KANK1: variants seen among roughly 807,000 people sequenced by gnomAD.
KANK1 encodes KN motif and ankyrin repeat domain-containing protein 1.
A neutral mutation model predicts 106.2 loss-of-function variants in KANK1; 109 were observed. The observed-to-expected ratio is 1.03, with a 90% CI of 0.88 to 1.20. The LOEUF is 1.20. KANK1 is among the 50% of genes most tolerant of loss of function. KANK1 has a pLI of 0.00. For missense variants in KANK1, 2,399 were observed against 1,710.7 expected, an observed-to-expected ratio of 1.40 and a Z score of -7.10; for synonymous variants, 873 against 652.2, an observed-to-expected ratio of 1.34 and a Z score of -5.16.
intron 1 of KANK1, among the ~76,000 whole-genome samples, chr9:576,433 G>T (rs546361300): frequency 6.7e-4 from 102 of 152,296 alleles, no homozygotes; most frequent in African/African-American, 2.4e-3. Context: ...TGCTCTGCTA[G>T]GCACTGTGCC....
chr9:502,780 C>A (rs2058580640), upstream of KANK1, among the ~76,000 whole-genome samples: 1 of 152,102 alleles, frequency 6.6e-6, no homozygotes, highest in African/African-American at 2.4e-5. Context: ...CCCATCTCGG[C>A]CTCACAAAGT....
chr9:701,446 T>G (rs1822640231), intron 2 of KANK1, among the ~76,000 whole-genome samples: 1 of 152,218 alleles, frequency 6.6e-6, no homozygotes, highest in Non-Finnish European at 1.5e-5. Flanking sequence ...TTGCTATCTG[T>G]GAATTTTTAT....
intron 3 of KANK1, among the ~76,000 whole-genome samples, chr9:727,680 A>ATATGTG (rs748822170): frequency 3.6e-5 from 5 of 139,660 alleles, no homozygotes; most frequent in African/African-American, 1.1e-4. Context: ...ATAACTTTTC[A>ATATGTG]TGTGTGTGTG....
At position 745,166 on chromosome 9, in the gene KANK1, T is replaced by G. The variant is rs765311114; in HGVS notation, c.3997-7T>G. The G allele has an allele frequency of 1.2e-6, 2 of 1,613,544 alleles. No homozygotes were observed. The highest frequency in any genetic ancestry group is 2.2e-5 in the South Asian group (2 of 90,964). On this transcript the variant is annotated splice_region_variant and splice_polypyrimidine_tract_variant and intron_variant, in intron 11 of 11. Transcript: ENST00000382297. ...ACCCCCAGTTTTTTTCCTTTCCTGG[T>G]CTCTAGGGCACCCCTAGGCTTGGAA...
chr9:611,480 G>C (rs1465238497), intron 1 of KANK1, among the ~76,000 whole-genome samples: 4 of 152,154 alleles, frequency 2.6e-5, no homozygotes, highest in Admixed American at 1.3e-4. Context: ...TTTCAGATGT[G>C]TCTTAGTGCC....
chr9:563,934 T>G (rs1817142535), intron 1 of KANK1, among the ~76,000 whole-genome samples: 1 of 152,180 alleles, frequency 6.6e-6, no homozygotes, highest in Non-Finnish European at 1.5e-5. Flanking sequence ...GCTTTTTTTC[T>G]TTCTTCCCTG....
At chr9:745,014 G>C (rs1279008391) in intron 11 of KANK1, 159 bp from the exon 12 acceptor site, 1 of 1,505,048 alleles carries the variant, frequency 6.6e-7, no homozygotes, top group South Asian at 1.4e-5. Context: ...GCTGGCCTTG[G>C]AGCTGTGGAC....
intron 3 of KANK1, among the ~76,000 whole-genome samples, chr9:716,017 T>A (rs949612761): frequency 6.6e-6 from 1 of 152,212 alleles, no homozygotes; most frequent in Admixed American, 6.5e-5. Flanking sequence ...AGAATGTATT[T>A]CTGAACCAAA....
chr9:655,914 C>A (rs1007602399), intron 1 of KANK1, among the ~76,000 whole-genome samples: 1 of 152,188 alleles, frequency 6.6e-6, no homozygotes, highest in Non-Finnish European at 1.5e-5. Flanking sequence ...ACAGGCCTTT[C>A]CCCTTTGTAA....
intron 1 of KANK1, among the ~76,000 whole-genome samples, chr9:546,745 A>G (rs891857095): frequency 2.0e-5 from 3 of 151,714 alleles, no homozygotes; most frequent in African/African-American, 7.3e-5. Context: ...ACTGTAAAAC[A>G]TCTGTATTTT....
intron 1 of KANK1, among the ~76,000 whole-genome samples, chr9:619,441 C>T (rs1832629244): frequency 6.6e-6 from 1 of 152,114 alleles, no homozygotes; most frequent in Non-Finnish European, 1.5e-5. Context: ...TGCCTATCGT[C>T]AGATTTGGGT....
chr9:604,373 G>T (rs1588169332), intron 1 of KANK1, among the ~76,000 whole-genome samples: 1 of 151,780 alleles, frequency 6.6e-6, no homozygotes, highest in South Asian at 2.1e-4. Flanking sequence ...TGGATCATGA[G>T]GATGGTTTAC....
intron 6 of KANK1, chr9:732,858 A>C: frequency 2.9e-6 from 1 of 347,016 alleles, no homozygotes; most frequent in South Asian, 9.0e-5. Context: ...CTGCTATATA[A>C]TTTAACATAT....
At chr9:639,773 T>C (rs1837972734) in intron 1 of KANK1, among the ~76,000 whole-genome samples, 1 of 152,186 alleles carries the variant, frequency 6.6e-6, no homozygotes, top group Non-Finnish European at 1.5e-5. Context: ...TGCTCACAGT[T>C]CTGAAGTCTG....
In KANK1 at chr9:580,809, C is replaced by T. The variant is rs575863958; in HGVS notation, c.-84+76055C>T. Among the ~76,000 whole-genome samples, 375 of 152,330 alleles carry T rather than the reference C, an allele frequency of 2.5e-3. 2 individuals carry two copies. Among genetic ancestry groups the T allele is most frequent in the African/African-American group, 8.4e-3 (351 of 41,586 alleles). ...TTGGGTAGTCAATGGGATTGGGCGC[C>T]GCGGAGCAGGGGGCGGTGCTCGTTG... On this transcript the variant is annotated intron_variant, in intron 1 of 11. Coordinates refer to ENST00000382297, the MANE Select transcript of KANK1 (RefSeq NM_015158.5).
intron 1 of KANK1, among the ~76,000 whole-genome samples, chr9:566,525 G>T (rs2641978): frequency 0.86 from 130,553 of 152,220 alleles, 56,791 homozygotes; most frequent in Non-Finnish European, 0.93. Context: ...CACCTGTTAT[G>T]TTTTGATTTC....
intron 1 of KANK1, among the ~76,000 whole-genome samples, chr9:649,139 A>G (rs934057447): frequency 5.3e-5 from 8 of 152,192 alleles, no homozygotes; most frequent in African/African-American, 1.4e-4. Flanking sequence ...ATAAGGATAT[A>G]TGTAAGATAC....
intron 1 of KANK1, among the ~76,000 whole-genome samples, chr9:625,118 C>A (rs1399594589): frequency 6.6e-6 from 1 of 152,162 alleles, no homozygotes; most frequent in Non-Finnish European, 1.5e-5. Flanking sequence ...CTGGGCAAAC[C>A]CACAGCCCGC....
rs138584802 is a variant in KANK1 at position 526,713 on chromosome 9, C to G, written c.-84+21959C>G. Reference sequence around the variant, plus strand: ...CCTGATTCCCTCTCCTCAGAGGAATCTCTCATCTATCTTCTGATGTTGAAC... The same window carrying G: ...CCTGATTCCCTCTCCTCAGAGGAATGTCTCATCTATCTTCTGATGTTGAAC... On this transcript the variant is annotated intron_variant, in intron 1 of 11. Transcript: ENST00000382297. Among the ~76,000 whole-genome samples, 9 of 151,974 alleles carry G rather than the reference C, an allele frequency of 5.9e-5. No individual in the cohort carries two copies. The East Asian group carries it at 1.5e-3, about 26-fold the overall frequency.
Sources: gnomAD v4.1 joint callset for allele counts (sites outside exome capture counted in the v4.1 genomes callset) on GRCh38, gnomAD v4.1.1 for gene constraint, MANE v1.5 for transcripts, NCBI Gene and HGNC (gene_info 2026-07-23, HGNC 2026-07-21) for gene names.